The following MAGI2 variants were observed in gnomAD, a reference collection of about 807,000 sequenced individuals.
The protein encoded by MAGI2 is membrane-associated guanylate kinase, WW and PDZ domain-containing protein 2.
A neutral mutation model predicts 133.3 loss-of-function variants in MAGI2; 35 were observed. The observed-to-expected ratio is 0.26, with a 90% CI of 0.20 to 0.35. The LOEUF (loss-of-function observed/expected upper bound fraction) is 0.35, where lower values mean the gene tolerates loss of function less well. Among genes scored for constraint, MAGI2 ranks in the 10% least tolerant of loss-of-function variants. MAGI2 has a pLI of 1.00. For synonymous variants in MAGI2, 729 were observed against 710.6 expected, an observed-to-expected ratio of 1.03 and a Z score of -0.41; for missense variants, 1,636 against 1,863.4, an observed-to-expected ratio of 0.88 and a Z score of 2.25.
At chr7:78,165,131 T>C (rs1054339061) in intron 15 of MAGI2, among the ~76,000 whole-genome samples, 2 of 152,228 alleles carry the variant, frequency 1.3e-5, no homozygotes, top group African/African-American at 4.8e-5. Flanking sequence ...CACTACCCGA[T>C]AGCCTCTTCC....
chr7:78,746,456 G>A (rs980731534), intron 2 of MAGI2, among the ~76,000 whole-genome samples: 1 of 152,112 alleles, frequency 6.6e-6, no homozygotes, highest in Non-Finnish European at 1.5e-5. Flanking sequence ...GAGCTTATAG[G>A]CCCTGAGGTT....
rs114861149 is a variant in MAGI2, at chr7:78,779,636, C to T, written c.419-152397G>A. Among the ~76,000 whole-genome samples, 258 of 152,204 alleles carry T rather than the reference C, an allele frequency of 1.7e-3. 2 individuals carry two copies. The highest frequency in any genetic ancestry group is 5.8e-3 in the African/African-American group (239 of 41,518). ...TATTTAATGTCAATGACCTTCTCTT[C>T]GAAACACAGATATTGAACTTTTTCA... On this transcript the variant is annotated intron_variant, in intron 2 of 21. Transcript: ENST00000354212.
At chr7:78,534,323 A>G (rs990584430) in intron 3 of MAGI2, among the ~76,000 whole-genome samples, 2 of 152,258 alleles carry the variant, frequency 1.3e-5, no homozygotes, top group Non-Finnish European at 2.9e-5. Context: ...CAAAATATTT[A>G]TGGATAAATA....
At chr7:78,295,003 C>T (rs56328608) in intron 9 of MAGI2, among the ~76,000 whole-genome samples, 7,001 of 152,168 alleles carry the variant, frequency 0.046, 227 homozygotes, top group South Asian at 0.12. Context: ...GATAAGGCGT[C>T]ATTATTTTAT....
chr7:78,146,547 C>T (rs1336824894), intron 16 of MAGI2, among the ~76,000 whole-genome samples: 5 of 152,090 alleles, frequency 3.3e-5, no homozygotes, highest in Admixed American at 2.6e-4. Context: ...ACATAAAGGA[C>T]AACTTGTTTC....
chr7:79,376,226 T>C (rs1471884591), intron 1 of MAGI2, among the ~76,000 whole-genome samples: 2 of 151,892 alleles, frequency 1.3e-5, no homozygotes, highest in South Asian at 2.1e-4. Context: ...TATACATACA[T>C]ACCTACGATA....
intron 6 of MAGI2, among the ~76,000 whole-genome samples, chr7:78,465,805 C>G (rs564035799): frequency 1.3e-5 from 2 of 152,132 alleles, no homozygotes; most frequent in Non-Finnish European, 2.9e-5. Flanking sequence ...ATCCGTAAAC[C>G]AAATCCCTTC....
At chr7:78,199,754 A>G (rs1997017) in intron 11 of MAGI2, among the ~76,000 whole-genome samples, 118,712 of 152,200 alleles carry the variant, frequency 0.78, 47,694 homozygotes, top group Non-Finnish European at 0.88. Flanking sequence ...CATGGATTCA[A>G]GATTAATTGT....
intron 1 of MAGI2, among the ~76,000 whole-genome samples, chr7:79,049,040 A>G (rs903522724): frequency 1.3e-5 from 2 of 152,194 alleles, no homozygotes; most frequent in Non-Finnish European, 2.9e-5. Flanking sequence ...AATGTTGCCA[A>G]CTTCAAGATG....
chr7:79,154,864 C>CAAAA (rs1334519682), intron 1 of MAGI2, among the ~76,000 whole-genome samples: 2 of 152,046 alleles, frequency 1.3e-5, no homozygotes, highest in Non-Finnish European at 2.9e-5. Flanking sequence ...TAAACTCTTG[C>CAAAA]AAACAAACAA....
chr7:78,247,984 A>T (rs972397221), intron 10 of MAGI2, among the ~76,000 whole-genome samples: 4 of 152,226 alleles, frequency 2.6e-5, no homozygotes, highest in African/African-American at 9.6e-5. Context: ...CAGGTTCCCA[A>T]ACAAACTCAA....
chr7:78,896,018 G>T (rs972305757), intron 2 of MAGI2, among the ~76,000 whole-genome samples: 11 of 152,038 alleles, frequency 7.2e-5, no homozygotes, highest in African/African-American at 2.2e-4. Context: ...CTTAAAAAAA[G>T]AATGATTCTT....
chr7:78,432,768 T>C (rs1222146555), intron 6 of MAGI2, among the ~76,000 whole-genome samples: 1 of 151,940 alleles, frequency 6.6e-6, no homozygotes, highest in African/African-American at 2.4e-5. Flanking sequence ...GTTTAAAAAT[T>C]ATACAAAGAA....
intron 2 of MAGI2, among the ~76,000 whole-genome samples, chr7:78,681,608 G>A (rs564078381): frequency 2.6e-5 from 4 of 152,172 alleles, no homozygotes; most frequent in Admixed American, 6.5e-5. Context: ...ACATCGATCT[G>A]TAATATATGC....
At chr7:78,972,195 A>T (rs1230886071) in intron 2 of MAGI2, among the ~76,000 whole-genome samples, 1 of 151,926 alleles carries the variant, frequency 6.6e-6, no homozygotes, top group East Asian at 1.9e-4. Flanking sequence ...AGTAAAACAT[A>T]CCTGATCACT....
chr7:79,068,253 A>G (rs1814578289), intron 1 of MAGI2, among the ~76,000 whole-genome samples: 5 of 152,130 alleles, frequency 3.3e-5, no homozygotes, highest in Admixed American at 3.3e-4. Flanking sequence ...TTTTGTTGGT[A>G]GGCTATTAAA....
At chr7:79,325,157 G>T (rs1839592707) in intron 1 of MAGI2, among the ~76,000 whole-genome samples, 1 of 151,986 alleles carries the variant, frequency 6.6e-6, no homozygotes, top group Admixed American at 6.6e-5. Context: ...GTAACTTCTA[G>T]CAGGATGCTG....
At chr7:78,878,603 CTTT>C (rs986703534) in intron 2 of MAGI2, among the ~76,000 whole-genome samples, 1 of 152,138 alleles carries the variant, frequency 6.6e-6, no homozygotes, top group Non-Finnish European at 1.5e-5. Context: ...ATCCATATGT[CTTT>C]TATTACCAAT....
intron 10 of MAGI2, among the ~76,000 whole-genome samples, chr7:78,202,904 C>G (rs1401793367): frequency 2.0e-5 from 3 of 152,044 alleles, no homozygotes. Flanking sequence ...GATTTAATCG[C>G]ATCCTTTTTG....
Sources: gnomAD v4.1 joint callset for allele counts (sites outside exome capture counted in the v4.1 genomes callset) on GRCh38, gnomAD v4.1.1 for gene constraint, MANE v1.5 for transcripts, NCBI Gene and HGNC (gene_info 2026-07-23, HGNC 2026-07-21) for gene names.